The following ANKIB1 variants were observed in gnomAD, a reference collection of about 807,000 sequenced individuals.
ANKIB1 encodes ankyrin repeat and IBR domain-containing protein 1.
In ANKIB1, 43 loss-of-function variants were observed where a neutral mutation model predicts 122.1. That is an observed-to-expected ratio of 0.35 (90% CI 0.28 to 0.45). ANKIB1 has a LOEUF of 0.45. Ranked by LOEUF, ANKIB1 falls within the 20% of genes least tolerant of loss-of-function variation. ANKIB1 has a pLI of 1.00. For missense variants in ANKIB1, 992 were observed against 1,329.5 expected (o/e 0.75, Z 3.95); for synonymous variants, 390 against 442.0 (o/e 0.88, Z 1.48).
intron 3 of ANKIB1, among the ~76,000 whole-genome samples, chr7:92,311,757 C>T (rs1022014692): frequency 6.6e-6 from 1 of 151,614 alleles, no homozygotes; most frequent in African/African-American, 2.4e-5. Flanking sequence ...AAAATTAAAA[C>T]CCCTTAATTA....
At chr7:92,331,225 A>G (rs1387049664) in intron 5 of ANKIB1, among the ~76,000 whole-genome samples, 1 of 151,376 alleles carries the variant, frequency 6.6e-6, no homozygotes, top group Non-Finnish European at 1.5e-5. Context: ...CTGGTCAGGG[A>G]CTGTGACTGA....
Position 92,315,019 on chromosome 7 carries a change from T to TA in ANKIB1, c.487-4300dup, listed in dbSNP as rs879287392. On this transcript the variant is annotated intron_variant, in intron 3 of 19. Coordinates refer to ENST00000265742, the MANE Select transcript of ANKIB1 (RefSeq NM_019004.2). ...ATAAGAAAGCAAGGGAAAGAAAGGT[T>TA]AAAAAAAAAAAGGATGGAGGCTCTA... 3.3e-3 allele frequency among the ~76,000 whole-genome samples: 472 copies of TA among 144,550 alleles called. 3 individuals carry two copies. Among genetic ancestry groups the TA allele is most frequent in the African/African-American group, 0.01 (398 of 39,620 alleles). The allele number at this position is 144,550 out of a possible 152,430, so 94.8% of individuals were successfully genotyped here. A position where few individuals can be genotyped will look rare whatever the true frequency, so the allele number is the denominator to read the frequency against.
At chr7:92,347,825 A>C in intron 7 of ANKIB1, 1 of 240,986 alleles carries the variant, frequency 4.1e-6, no homozygotes, top group Non-Finnish European at 8.2e-6. Flanking sequence ...TGGTGATAAT[A>C]GTATGTGCTT....
chr7:92,276,323 T>TA (rs1182758678), intron 1 of ANKIB1, among the ~76,000 whole-genome samples: 5 of 152,204 alleles, frequency 3.3e-5, no homozygotes, highest in Non-Finnish European at 5.9e-5. Context: ...ATTTAATAGG[T>TA]AGAAGTGGCA....
chr7:92,357,343 C>T (rs1488765611), intron 9 of ANKIB1, among the ~76,000 whole-genome samples: 1 of 152,112 alleles, frequency 6.6e-6, no homozygotes, highest in Non-Finnish European at 1.5e-5. Context: ...AGATTCCCCT[C>T]CCCATACTCT....
chr7:92,298,768 T>TC (rs1338110633), intron 2 of ANKIB1, among the ~76,000 whole-genome samples: 1 of 117,626 alleles, frequency 8.5e-6, no homozygotes, highest in Non-Finnish European at 1.8e-5. Context: ...CACTTGCAGT[T>TC]AAAAAAAAAA....
intron 2 of ANKIB1, among the ~76,000 whole-genome samples, chr7:92,306,812 G>T (rs1222284528): frequency 6.6e-6 from 1 of 152,170 alleles, no homozygotes; most frequent in African/African-American, 2.4e-5. Flanking sequence ...AAGGTTAGCT[G>T]ATGACCTTGG....
intron 19 of ANKIB1, 96 bp from the exon 20 acceptor site, chr7:92,398,113 TTAA>T (rs775299331): frequency 1.5e-5 from 19 of 1,282,952 alleles, no homozygotes; most frequent in Non-Finnish European, 1.9e-5. Flanking sequence ...ATAAATAAAA[TTAA>T]TAATCTGTTG....
At chr7:92,378,628 C>G (rs1486384433) in intron 11 of ANKIB1, among the ~76,000 whole-genome samples, 1 of 151,974 alleles carries the variant, frequency 6.6e-6, no homozygotes, top group Admixed American at 6.6e-5. Flanking sequence ...CCACTAAATT[C>G]AAGAACAAGA....
chr7:92,400,587 T>G lies in ANKIB1; in HGVS notation c.*1638T>G, dbSNP rs1804993444. ...GATGTGATTATGGGTTTTGATTACT[T>G]TTTTTTTTTCCAAACCCTGCTTTTG... On this transcript the variant is annotated 3_prime_UTR_variant, in exon 20 of 20. Coordinates refer to ENST00000265742, the MANE Select transcript of ANKIB1 (RefSeq NM_019004.2). 6.8e-6 allele frequency: 1 copy of G among 146,032 alleles called. No homozygotes were observed. The highest frequency in any genetic ancestry group is 2.5e-5 in the African/African-American group (1 of 40,164). 9.0% of individuals were successfully genotyped at this position (146,032 alleles called of 1,614,324 possible).
intron 1 of ANKIB1, among the ~76,000 whole-genome samples, chr7:92,265,145 T>C (rs878983895): frequency 6.6e-6 from 1 of 152,146 alleles, no homozygotes; most frequent in Admixed American, 6.5e-5. Context: ...ACCTGGCTCA[T>C]TTTTTTCACA....
intron 1 of ANKIB1, among the ~76,000 whole-genome samples, chr7:92,253,814 C>T: frequency 6.6e-6 from 1 of 152,102 alleles, no homozygotes; most frequent in Non-Finnish European, 1.5e-5. Context: ...GAATGTTTAA[C>T]AGTCATAAAT....
At chr7:92,344,482 G>T (rs1338548720) in intron 6 of ANKIB1, among the ~76,000 whole-genome samples, 1 of 152,010 alleles carries the variant, frequency 6.6e-6, no homozygotes, top group African/African-American at 2.4e-5. Flanking sequence ...TGGGATTACA[G>T]GTGTGAGCCA....
At position 92,246,190 on chromosome 7, in the gene ANKIB1, G is replaced by C. The variant is rs1181086734; in HGVS notation, c.-420G>C. The C allele has an allele frequency of 2.8e-6, 1 of 361,974 alleles. No homozygotes were observed. The highest frequency in any genetic ancestry group is 5.2e-6 in the Non-Finnish European group (1 of 191,860). The allele number at this position is 361,974 out of a possible 1,614,324, so 22.4% of individuals were successfully genotyped here. On this transcript the variant is annotated 5_prime_UTR_variant, in exon 1 of 20. Coordinates refer to ENST00000265742, the MANE Select transcript of ANKIB1 (RefSeq NM_019004.2). ...GAGCCGGGCTTGACCGCGAGGCGGA[G>C]GCAAGAGCCACCGCCCCCTCTTCCC... is the stretch of plus-strand genomic sequence containing the variant.
chr7:92,384,482 A>G (rs1804588843), intron 11 of ANKIB1, among the ~76,000 whole-genome samples: 1 of 152,212 alleles, frequency 6.6e-6, no homozygotes, highest in Non-Finnish European at 1.5e-5. Flanking sequence ...CTGACTTCAA[A>G]CTATAGTACA....
chr7:92,266,820 CAG>C (rs1801680955), intron 1 of ANKIB1, among the ~76,000 whole-genome samples: 2 of 152,224 alleles, frequency 1.3e-5, no homozygotes, highest in South Asian at 4.1e-4. Flanking sequence ...CTGAGAGAAA[CAG>C]AGCAAAACCA....
chr7:92,380,148 T>A (rs1022932953), intron 11 of ANKIB1, among the ~76,000 whole-genome samples: 1 of 152,120 alleles, frequency 6.6e-6, no homozygotes, highest in Admixed American at 6.6e-5. Context: ...TCACTGCTAT[T>A]CCGAGATCTA....
chr7:92,284,339 T>C (rs1802072444), intron 1 of ANKIB1, among the ~76,000 whole-genome samples: 1 of 152,176 alleles, frequency 6.6e-6, no homozygotes, highest in Non-Finnish European at 1.5e-5. Context: ...CCTAGTAGAC[T>C]CTGCCCTGAT....
intron 11 of ANKIB1, among the ~76,000 whole-genome samples, chr7:92,380,029 GACACTGCCACATAA>G (rs1281970068): frequency 2.6e-5 from 4 of 152,202 alleles, no homozygotes; most frequent in African/African-American, 9.7e-5. Flanking sequence ...GGAAAATCGG[GACACTGCCACATAA>G]ACACTGCTCT....
Sources: allele counts gnomAD v4.1 joint callset (sites outside exome capture counted in the v4.1 genomes callset), GRCh38; gene constraint gnomAD v4.1.1; transcripts MANE v1.5; gene names NCBI Gene and HGNC (gene_info 2026-07-23, HGNC 2026-07-21).